Variants in LEKR1 observed in about 807,000 individuals in gnomAD.
LEKR1 encodes the protein protein LEKR1.
Under a neutral mutation model 72.4 loss-of-function variants are expected in LEKR1, and 59 were observed. That is an observed-to-expected ratio of 0.82 (90% CI 0.66 to 1.01). The LOEUF (loss-of-function observed/expected upper bound fraction) is 1.01. LEKR1 is among the 50% of genes least tolerant of loss of function. The pLI is 0.00. For missense variants in LEKR1, 728 were observed against 759.2 expected (o/e 0.96, Z 0.48); for synonymous variants, 257 against 263.2 (o/e 0.98, Z 0.23).
intron 3 of LEKR1, among the ~76,000 whole-genome samples, chr3:156,891,102 C>T (rs530442941): frequency 6.6e-6 from 1 of 151,346 alleles, no homozygotes; most frequent in African/African-American, 2.4e-5. Flanking sequence ...AAACTCCTGA[C>T]CTCAGGTGAT....
At chr3:156,871,129 C>T (rs1166848797) in intron 3 of LEKR1, among the ~76,000 whole-genome samples, 1 of 151,986 alleles carries the variant, frequency 6.6e-6, no homozygotes, top group African/African-American at 2.4e-5. Flanking sequence ...ACAACAGTCC[C>T]CAGAGTGTGA....
At chr3:156,947,062 G>T (rs1200069604) in intron 6 of LEKR1, among the ~76,000 whole-genome samples, 1 of 150,744 alleles carries the variant, frequency 6.6e-6, no homozygotes, top group Non-Finnish European at 1.5e-5. Context: ...CTTTTCAGGA[G>T]ACCAACTTTT....
chr3:157,043,080 T>C (rs1735485138), intron 12 of LEKR1, among the ~76,000 whole-genome samples: 1 of 152,036 alleles, frequency 6.6e-6, no homozygotes, highest in Admixed American at 6.6e-5. Context: ...TTAAAGTGTG[T>C]AGGGCCTCCC....
At chr3:156,863,128 G>A (rs1355186509) in intron 3 of LEKR1, among the ~76,000 whole-genome samples, 1 of 151,956 alleles carries the variant, frequency 6.6e-6, no homozygotes, top group African/African-American at 2.4e-5. Flanking sequence ...TGGGGAGGTG[G>A]GTTTTTTGTT....
At chr3:156,861,362 A>G (rs927357954) in intron 3 of LEKR1, among the ~76,000 whole-genome samples, 1 of 152,204 alleles carries the variant, frequency 6.6e-6, no homozygotes, top group Non-Finnish European at 1.5e-5. Flanking sequence ...TTTATGCTAA[A>G]AATGATTGGG....
chr3:156,875,297 A>G (rs768854764), intron 3 of LEKR1, among the ~76,000 whole-genome samples: 5 of 151,820 alleles, frequency 3.3e-5, no homozygotes, highest in Admixed American at 6.6e-5. Context: ...GCATTTTTTT[A>G]TGTTTATTGG....
intron 3 of LEKR1, among the ~76,000 whole-genome samples, chr3:156,869,061 T>G (rs115180038): frequency 6.6e-6 from 1 of 152,120 alleles, no homozygotes; most frequent in Non-Finnish European, 1.5e-5. Flanking sequence ...TATTTCATTG[T>G]GTATGTATAT....
chr3:157,004,589 A>T (rs1391240225), intron 9 of LEKR1, among the ~76,000 whole-genome samples: 1 of 152,158 alleles, frequency 6.6e-6, no homozygotes, highest in Non-Finnish European at 1.5e-5. Flanking sequence ...ATAAAACCAA[A>T]GAAATTTTAA....
chr3:156,938,938 T>G (rs1354750574), intron 5 of LEKR1, among the ~76,000 whole-genome samples: 1 of 152,218 alleles, frequency 6.6e-6, no homozygotes, highest in Admixed American at 6.5e-5. Context: ...AGAAATTGAT[T>G]GCGTAAGCTT....
chr3:156,967,822 G>T (rs949531800), intron 6 of LEKR1, among the ~76,000 whole-genome samples: 1 of 152,082 alleles, frequency 6.6e-6, no homozygotes, highest in Non-Finnish European at 1.5e-5. Flanking sequence ...ACACATAATT[G>T]TCAGATTCAC....
chr3:156,933,027 C>T (rs1490212221), intron 5 of LEKR1, among the ~76,000 whole-genome samples: 1 of 152,046 alleles, frequency 6.6e-6, no homozygotes, highest in Non-Finnish European at 1.5e-5. Context: ...GAGACTCCGT[C>T]TCAAACAAAC....
chr3:156,929,031 A>G (rs1210956595), intron 5 of LEKR1, among the ~76,000 whole-genome samples: 3 of 152,080 alleles, frequency 2.0e-5, no homozygotes, highest in African/African-American at 7.2e-5. Context: ...AGCTATCATA[A>G]CAATGCTCAA....
intron 12 of LEKR1, among the ~76,000 whole-genome samples, chr3:157,029,698 C>CTA (rs1158593488): frequency 6.6e-6 from 1 of 152,070 alleles, no homozygotes; most frequent in Admixed American, 6.6e-5. Context: ...GGAGGGAGAG[C>CTA]ACACGTGGAC....
At position 157,023,907 on chromosome 3, in the gene LEKR1, T is replaced by C. The variant is rs186123012; in HGVS notation, c.1204-853T>C. On this transcript the variant is annotated intron_variant, in intron 10 of 12. Coordinates refer to ENST00000356539, the MANE Select transcript of LEKR1 (RefSeq NM_001004316.3). ...GGGTTACATCCTGATAAACCCATCA[T>C]AAATTGAAGGTATTGTAAGTCAAAA... 7.2e-5 allele frequency among the ~76,000 whole-genome samples: 11 copies of C among 152,330 alleles called. No homozygotes were observed. In the East Asian group the frequency reaches 1.9e-3, roughly 27 times the overall value.
At chr3:156,867,397 C>T (rs1717433696) in intron 3 of LEKR1, among the ~76,000 whole-genome samples, 1 of 151,988 alleles carries the variant, frequency 6.6e-6, no homozygotes, top group Non-Finnish European at 1.5e-5. Context: ...AAAAAGTCTA[C>T]AATTTTGATA....
At chr3:156,958,682 T>C (rs558071615) in intron 6 of LEKR1, among the ~76,000 whole-genome samples, 52 of 152,302 alleles carry the variant, frequency 3.4e-4, no homozygotes, top group Non-Finnish European at 6.0e-4. Flanking sequence ...AAGTATTTAT[T>C]GGACATCTCC....
chr3:157,020,536 T>C (rs575656612), intron 10 of LEKR1, among the ~76,000 whole-genome samples: 2 of 149,848 alleles, frequency 1.3e-5, no homozygotes, highest in African/African-American at 4.9e-5. Flanking sequence ...GTGTTTGGTT[T>C]TTTGTCCTTG....
chr3:156,938,988 T>C (rs1725966439), intron 5 of LEKR1, among the ~76,000 whole-genome samples: 1 of 152,226 alleles, frequency 6.6e-6, no homozygotes, highest in African/African-American at 2.4e-5. Flanking sequence ...GTGAATTATG[T>C]GATAACACTT....
intron 6 of LEKR1, among the ~76,000 whole-genome samples, chr3:156,946,131 A>G (rs923710497): frequency 4.0e-5 from 6 of 151,260 alleles, no homozygotes; most frequent in Admixed American, 6.6e-5. Context: ...TTCTTTCATC[A>G]ATGTTTTCAT....
Sources: allele counts gnomAD v4.1 joint callset (sites outside exome capture counted in the v4.1 genomes callset), GRCh38; gene constraint gnomAD v4.1.1; transcripts MANE v1.5; gene names NCBI Gene and HGNC (gene_info 2026-07-23, HGNC 2026-07-21).